Variants in TTC28 observed in about 807,000 individuals in gnomAD.
TTC28 encodes the protein tetratricopeptide repeat domain 28, also known as tetratricopeptide repeat protein 28.
A neutral mutation model predicts 198.0 loss-of-function variants in TTC28; 61 were observed. The observed-to-expected ratio is 0.31, with a 90% CI of 0.25 to 0.38. The LOEUF (loss-of-function observed/expected upper bound fraction) is 0.38. Among genes scored for constraint, TTC28 ranks in the 10% least tolerant of loss-of-function variants. The pLI is 1.00. For missense variants in TTC28, 2,678 were observed against 3,164.0 expected, an observed-to-expected ratio of 0.85 and a Z score of 3.69; for synonymous variants, 1,171 against 1,297.8, an observed-to-expected ratio of 0.90 and a Z score of 2.10.
At chr22:28,196,787 A>C (rs1255655656) in intron 5 of TTC28, among the ~76,000 whole-genome samples, 3 of 152,158 alleles carry the variant, frequency 2.0e-5, no homozygotes, top group Non-Finnish European at 4.4e-5. Flanking sequence ...GCTGGAGAGG[A>C]TGTGGAGAAA....
At chr22:28,383,992 A>T (rs919597896) in intron 2 of TTC28, among the ~76,000 whole-genome samples, 1 of 151,832 alleles carries the variant, frequency 6.6e-6, no homozygotes, top group Admixed American at 6.6e-5. Context: ...TTCTTCATTC[A>T]CCCCAGTCAA....
chr22:28,065,031 G>A (rs1262582868), intron 12 of TTC28, among the ~76,000 whole-genome samples: 2 of 152,076 alleles, frequency 1.3e-5, no homozygotes, highest in Non-Finnish European at 2.9e-5. Context: ...ATTATACATA[G>A]GAATGCATGG....
intron 2 of TTC28, among the ~76,000 whole-genome samples, chr22:28,336,191 G>T (rs1569267748): frequency 6.6e-6 from 1 of 152,140 alleles, no homozygotes; most frequent in Non-Finnish European, 1.5e-5. Context: ...GATGAAGCCT[G>T]CTTGATCGTG....
At chr22:28,263,218 T>C (rs940041260) in intron 5 of TTC28, among the ~76,000 whole-genome samples, 1 of 152,172 alleles carries the variant, frequency 6.6e-6, no homozygotes, top group African/African-American at 2.4e-5. Context: ...CTATATACTA[T>C]ACATGATGTA....
At position 28,286,003 on chromosome 22, in the gene TTC28, AT is replaced by A. The variant is rs72424697; in HGVS notation, c.933+10194del. Among the ~76,000 whole-genome samples the A allele has an allele frequency of 6.3e-3, 923 of 145,432 alleles. 10 individuals are homozygous for A. Among genetic ancestry groups the A allele is most frequent in the East Asian group, 0.055 (275 of 5,012 alleles). On this transcript the variant is annotated intron_variant, in intron 5 of 22. Coordinates refer to ENST00000397906, the MANE Select transcript of TTC28 (RefSeq NM_001145418.2). ...CATTAAAAGAGGTTCAAGATTATTAATTTTTTTTTTTTTTGAGACAGAATCT... is the reference window on the plus strand; with the variant it reads ...CATTAAAAGAGGTTCAAGATTATTAATTTTTTTTTTTTTGAGACAGAATCT...
At chr22:28,349,631 C>T (rs542960902) in intron 2 of TTC28, among the ~76,000 whole-genome samples, 14 of 152,300 alleles carry the variant, frequency 9.2e-5, no homozygotes, top group African/African-American at 2.9e-4. Context: ...CCTCTCTGGA[C>T]CTCAGTTTCC....
intron 2 of TTC28, among the ~76,000 whole-genome samples, chr22:28,344,229 G>A (rs1311328431): frequency 1.3e-5 from 2 of 151,334 alleles, no homozygotes; most frequent in Non-Finnish European, 1.5e-5. Flanking sequence ...GCTACTCACC[G>A]AAGAAGAATG....
At chr22:28,123,769 G>A (rs1183573811) in intron 6 of TTC28, among the ~76,000 whole-genome samples, 1 of 152,024 alleles carries the variant, frequency 6.6e-6, no homozygotes, top group Non-Finnish European at 1.5e-5. Context: ...GATTGCTTGA[G>A]CTCAGGAGTT....
chr22:28,101,319 T>C (rs1411741064), intron 8 of TTC28, 39 bp from the exon 9 acceptor site: 2 of 1,485,888 alleles, frequency 1.3e-6, no homozygotes, highest in Non-Finnish European at 9.2e-7. Context: ...ACATAGAAGA[T>C]GGATAATTCC....
chr22:28,166,573 C>G (rs1394748370), intron 5 of TTC28, among the ~76,000 whole-genome samples: 1 of 152,202 alleles, frequency 6.6e-6, no homozygotes, highest in Non-Finnish European at 1.5e-5. Flanking sequence ...TGAATGACTA[C>G]TGGGTACATA....
intron 2 of TTC28, among the ~76,000 whole-genome samples, chr22:28,346,068 T>A (rs1484859024): frequency 2.0e-5 from 3 of 152,192 alleles, no homozygotes; most frequent in African/African-American, 4.8e-5. Flanking sequence ...GATGCTTTTT[T>A]AAATATGTTT....
chr22:28,300,959 G>A (rs1365453625), intron 3 of TTC28, among the ~76,000 whole-genome samples: 1 of 152,184 alleles, frequency 6.6e-6, no homozygotes, highest in Admixed American at 6.5e-5. Flanking sequence ...CAAACGCGTA[G>A]GTTGAAACTG....
chr22:28,066,096 T>A (rs943048303), intron 12 of TTC28, among the ~76,000 whole-genome samples: 1 of 152,134 alleles, frequency 6.6e-6, no homozygotes, highest in Non-Finnish European at 1.5e-5. Flanking sequence ...TTGGCCAGGG[T>A]TTTTTATTAA....
chr22:28,601,291 T>A (rs2050635245), intron 2 of TTC28, among the ~76,000 whole-genome samples: 1 of 152,210 alleles, frequency 6.6e-6, no homozygotes, highest in Non-Finnish European at 1.5e-5. Context: ...TAGCCCATGA[T>A]TTCATTAGTT....
intron 2 of TTC28, among the ~76,000 whole-genome samples, chr22:28,503,770 A>G (rs901851557): frequency 1.3e-5 from 2 of 152,232 alleles, no homozygotes; most frequent in Non-Finnish European, 2.9e-5. Flanking sequence ...GCAAAAATTA[A>G]TAAGTAGTCA....
chr22:28,460,959 C>G (rs2047941663), intron 2 of TTC28, among the ~76,000 whole-genome samples: 1 of 152,150 alleles, frequency 6.6e-6, no homozygotes, highest in African/African-American at 2.4e-5. Context: ...GCTGAGATTA[C>G]AGGCATAAGC....
At chr22:28,227,198 A>C (rs1426424582) in intron 5 of TTC28, among the ~76,000 whole-genome samples, 1 of 152,184 alleles carries the variant, frequency 6.6e-6, no homozygotes, top group Non-Finnish European at 1.5e-5. Context: ...CTCTCAAAGA[A>C]TGAAGTGAAT....
intron 2 of TTC28, among the ~76,000 whole-genome samples, chr22:28,566,924 G>A (rs1369959682): frequency 6.6e-6 from 1 of 151,836 alleles, no homozygotes; most frequent in Admixed American, 6.6e-5. Flanking sequence ...CTCTAAAAAG[G>A]TAAAAATATA....
intron 2 of TTC28, among the ~76,000 whole-genome samples, chr22:28,370,939 G>A (rs1006041271): frequency 6.6e-6 from 1 of 152,168 alleles, no homozygotes; most frequent in Non-Finnish European, 1.5e-5. Context: ...ATCCCCAGGT[G>A]ATTCAGGTGC....
Sources: gnomAD v4.1 joint callset for allele counts (sites outside exome capture counted in the v4.1 genomes callset) on GRCh38, gnomAD v4.1.1 for gene constraint, MANE v1.5 for transcripts, NCBI Gene and HGNC (gene_info 2026-07-23, HGNC 2026-07-21) for gene names.